Variants in SGCZ observed in about 807,000 individuals in gnomAD.
SGCZ encodes the protein sarcoglycan zeta, also known as zeta-sarcoglycan.
Under a neutral mutation model 41.3 loss-of-function variants are expected in SGCZ, and 40 were observed. That is an observed-to-expected ratio of 0.97 (90% CI 0.75 to 1.26). SGCZ has a LOEUF of 1.26. SGCZ is among the 50% of genes most tolerant of loss of function. The pLI, the probability that SGCZ is intolerant of heterozygous loss-of-function variation, is 0.00. For missense variants in SGCZ, 552 were observed against 369.8 expected (o/e 1.49, Z -4.04); for synonymous variants, 206 against 137.5 (o/e 1.50, Z -3.49).
intron 1 of SGCZ, among the ~76,000 whole-genome samples, chr8:15,020,026 T>G (rs899012574): frequency 6.6e-6 from 1 of 151,898 alleles, no homozygotes; most frequent in Non-Finnish European, 1.5e-5. Flanking sequence ...ATATATTTTA[T>G]GAGCATTTAG....
At chr8:14,259,375 A>C (rs1054462968) in intron 3 of SGCZ, among the ~76,000 whole-genome samples, 21 of 151,678 alleles carry the variant, frequency 1.4e-4, no homozygotes, top group African/African-American at 4.8e-4. Flanking sequence ...TTAGACATGA[A>C]GTCCTTGCCC....
intron 2 of SGCZ, among the ~76,000 whole-genome samples, chr8:14,466,957 A>G (rs1024425006): frequency 2.6e-5 from 4 of 151,628 alleles, no homozygotes; most frequent in African/African-American, 4.8e-5. Context: ...GTTTTCAAGA[A>G]CAGTTTTTTT....
At chr8:14,712,931 C>G (rs993778666) in intron 1 of SGCZ, among the ~76,000 whole-genome samples, 42 of 151,986 alleles carry the variant, frequency 2.8e-4, no homozygotes, top group Non-Finnish European at 4.4e-5. Flanking sequence ...AATTAGGAGA[C>G]TGAGCAGTAG....
At chr8:14,980,251 T>C (rs899723860) in intron 1 of SGCZ, among the ~76,000 whole-genome samples, 3 of 152,080 alleles carry the variant, frequency 2.0e-5, no homozygotes, top group Admixed American at 6.6e-5. Flanking sequence ...AGGACGGAAA[T>C]TGAGCCAGAT....
At chr8:14,359,638 G>A (rs913941205) in intron 2 of SGCZ, among the ~76,000 whole-genome samples, 2 of 151,960 alleles carry the variant, frequency 1.3e-5, no homozygotes, top group African/African-American at 4.8e-5. Flanking sequence ...AAGGCTGTAA[G>A]TCTCTCAGCA....
intron 2 of SGCZ, among the ~76,000 whole-genome samples, chr8:14,347,567 C>CT (rs943991083): frequency 5.3e-5 from 8 of 150,978 alleles, no homozygotes; most frequent in Non-Finnish European, 1.0e-4. Flanking sequence ...TTTTCTCCCA[C>CT]TTTTTTTTCT....
At chr8:14,834,570 A>G (rs1802634982) in intron 1 of SGCZ, among the ~76,000 whole-genome samples, 1 of 152,300 alleles carries the variant, frequency 6.6e-6, no homozygotes, top group African/African-American at 2.4e-5. Flanking sequence ...CCGATCTGAA[A>G]AGATGTTATT....
chr8:14,386,990 G>A (rs1804600392), intron 2 of SGCZ, among the ~76,000 whole-genome samples: 1 of 152,190 alleles, frequency 6.6e-6, no homozygotes, highest in Non-Finnish European at 1.5e-5. Context: ...TGAAAGATTT[G>A]ATGTTTGCCA....
intron 1 of SGCZ, among the ~76,000 whole-genome samples, chr8:14,847,996 A>G (rs1399815779): frequency 1.3e-5 from 2 of 152,112 alleles, no homozygotes; most frequent in Non-Finnish European, 2.9e-5. Flanking sequence ...AAAATTAAAT[A>G]TAACCTACAA....
At chr8:14,513,072 A>G (rs530565559) in intron 2 of SGCZ, among the ~76,000 whole-genome samples, 1 of 152,254 alleles carries the variant, frequency 6.6e-6, no homozygotes, top group African/African-American at 2.4e-5. Flanking sequence ...ATAGTCTCAC[A>G]GTGAAGAGTA....
chr8:14,284,761 A>T (rs186688150), intron 3 of SGCZ, among the ~76,000 whole-genome samples: 11 of 152,086 alleles, frequency 7.2e-5, no homozygotes, highest in Non-Finnish European at 1.5e-4. Flanking sequence ...ACTAGAGTGC[A>T]TATTTGGTCC....
intron 3 of SGCZ, among the ~76,000 whole-genome samples, chr8:14,310,430 A>G (rs563643841): frequency 2.0e-5 from 3 of 152,292 alleles, no homozygotes; most frequent in African/African-American, 4.8e-5. Flanking sequence ...TTTCCTAAAC[A>G]TAATTGTGGT....
chr8:14,601,145 T>G (rs1349589823), intron 1 of SGCZ, among the ~76,000 whole-genome samples: 1 of 151,870 alleles, frequency 6.6e-6, no homozygotes, highest in African/African-American at 2.4e-5. Context: ...TCTGCTAATA[T>G]TATTTGGTAG....
intron 3 of SGCZ, among the ~76,000 whole-genome samples, chr8:14,299,385 C>T (rs1801115874): frequency 6.6e-6 from 1 of 151,908 alleles, no homozygotes; most frequent in Non-Finnish European, 1.5e-5. Context: ...AACGTAGACT[C>T]ACTAAATATA....
chr8:14,913,927 G>C (rs1004716605), intron 1 of SGCZ, among the ~76,000 whole-genome samples: 3 of 151,868 alleles, frequency 2.0e-5, no homozygotes, highest in Non-Finnish European at 4.4e-5. Flanking sequence ...ATCCCTGAAA[G>C]ATCTAATTTT....
chr8:14,149,166 G>A (rs1186627002), intron 5 of SGCZ, among the ~76,000 whole-genome samples: 1 of 152,040 alleles, frequency 6.6e-6, no homozygotes, highest in Non-Finnish European at 1.5e-5. Flanking sequence ...ATTCACCATA[G>A]TACTGGAAGT....
intron 3 of SGCZ, among the ~76,000 whole-genome samples, chr8:14,305,316 G>C (rs1801315979): frequency 6.6e-6 from 1 of 151,952 alleles, no homozygotes; most frequent in Middle Eastern, 3.2e-3. Context: ...AACATTTTTT[G>C]ATATGACCAC....
intron 1 of SGCZ, among the ~76,000 whole-genome samples, chr8:15,043,077 C>G (rs1348059991): frequency 6.6e-6 from 1 of 152,164 alleles, no homozygotes. Flanking sequence ...ACTCTCCATC[C>G]AGAGCAAGGG....
chr8:14,098,780 C>T (rs1339903848), intron 7 of SGCZ, among the ~76,000 whole-genome samples: 1 of 152,020 alleles, frequency 6.6e-6, no homozygotes, highest in African/African-American at 2.4e-5. Flanking sequence ...GATCAGATGA[C>T]TGTAAGAGTA....
Sources: allele counts gnomAD v4.1 joint callset (sites outside exome capture counted in the v4.1 genomes callset), GRCh38; gene constraint gnomAD v4.1.1; transcripts MANE v1.5; gene names NCBI Gene and HGNC (gene_info 2026-07-23, HGNC 2026-07-21).